Variants in EXOC3L4 observed in about 807,000 individuals in gnomAD.
EXOC3L4 encodes exocyst complex component 3 like 4, also known as exocyst complex component 3-like protein 4.
In EXOC3L4, 62 loss-of-function variants were observed where a neutral mutation model predicts 69.7. That is an observed-to-expected ratio of 0.89 (90% CI 0.72 to 1.10). The LOEUF is 1.10. Among genes scored for constraint, EXOC3L4 ranks in the 50% least tolerant of loss-of-function variants. The pLI is 0.00. For missense variants in EXOC3L4, 1,087 were observed against 1,034.8 expected, an observed-to-expected ratio of 1.05 and a Z score of -0.69; for synonymous variants, 502 against 464.2, an observed-to-expected ratio of 1.08 and a Z score of -1.05.
chr14:103,104,126 G>C, intron 4 of EXOC3L4, 74 bp downstream of exon 4: 1 of 1,447,260 alleles, frequency 6.9e-7, no homozygotes, highest in Non-Finnish European at 9.1e-7. Context: ...CGGCGCCCAG[G>C]CTATCGGCGG....
At chr14:103,100,727 G>A (rs1890142260) in intron 2 of EXOC3L4, 114 bp downstream of exon 2, 3 of 1,295,122 alleles carry the variant, frequency 2.3e-6, no homozygotes, top group South Asian at 1.6e-5. Context: ...CCCTGCCCCC[G>A]AACATGTGCA....
chr14:103,098,404 G>A (rs567309616), intron 1 of EXOC3L4, among the ~76,000 whole-genome samples: 1 of 152,014 alleles, frequency 6.6e-6, no homozygotes, highest in East Asian at 1.9e-4. Flanking sequence ...CTGAGTGCGC[G>A]GCCAGGGGCA....
chr14:103,098,871 T>A (rs1890020337), intron 1 of EXOC3L4: 3 of 151,938 alleles, frequency 2.0e-5, no homozygotes, highest in Non-Finnish European at 4.4e-5. Context: ...CTCTCCTTCC[T>A]CGGGCCTCCA....
chr14:103,095,368 C>T (rs1231668916), intron 1 of EXOC3L4, among the ~76,000 whole-genome samples: 1 of 152,194 alleles, frequency 6.6e-6, no homozygotes, highest in Non-Finnish European at 1.5e-5. Context: ...GGCAGGTGTG[C>T]CCAGGGCTGG....
chr14:103,106,706 A>T, intron 7 of EXOC3L4, 79 bp from the exon 8 acceptor site: 1 of 826,494 alleles, frequency 1.2e-6, no homozygotes, highest in Non-Finnish European at 1.9e-6. Context: ...AGTCTAAGTG[A>T]GTGGAGCTGT....
intron 6 of EXOC3L4, 36 bp from the exon 7 acceptor site, chr14:103,104,956 G>T (rs1183864163): frequency 1.3e-6 from 2 of 1,597,770 alleles, no homozygotes; most frequent in Non-Finnish European, 1.7e-6. Flanking sequence ...GCGCAGCTAG[G>T]GAGGGTCCCC....
intron 1 of EXOC3L4, among the ~76,000 whole-genome samples, chr14:103,096,187 C>G (rs1889876652): frequency 6.6e-6 from 1 of 151,968 alleles, no homozygotes; most frequent in Non-Finnish European, 1.5e-5. Flanking sequence ...ACCCCTGTCT[C>G]TACAAAAAAT....
intron 1 of EXOC3L4, among the ~76,000 whole-genome samples, chr14:103,095,255 C>T (rs1231639458): frequency 2.6e-5 from 4 of 152,194 alleles, no homozygotes; most frequent in South Asian, 2.1e-4. Context: ...CTGGTTTCCC[C>T]GGGAAAGTGC....
intron 8 of EXOC3L4, among the ~76,000 whole-genome samples, chr14:103,107,164 T>TCCTC (rs1412880262): frequency 6.6e-6 from 1 of 152,066 alleles, no homozygotes; most frequent in Non-Finnish European, 1.5e-5. Flanking sequence ...AGGCCCAGGG[T>TCCTC]CCTCACCCAG....
chr14:103,107,833 G>T (rs919709534), intron 10 of EXOC3L4, 50 bp downstream of exon 10: 2 of 1,465,708 alleles, frequency 1.4e-6, no homozygotes, highest in East Asian at 5.0e-5. Flanking sequence ...GTGGGGAGTG[G>T]TGGCAGTGAC....
Position 103,104,845 on chromosome 14 carries a change from A to G in EXOC3L4, c.1385+7A>G. The G allele has an allele frequency of 6.6e-7, 1 of 1,507,142 alleles. No individual in the cohort carries two copies. 93.4% of individuals were successfully genotyped at this position (1,507,142 alleles called of 1,614,324 possible). A position where few individuals can be genotyped will look rare whatever the true frequency, so the allele number is the denominator to read the frequency against. On this transcript the variant is annotated splice_region_variant and intron_variant, in intron 6 of 11. Coordinates refer to ENST00000688303, the MANE Select transcript of EXOC3L4 (RefSeq NM_001077594.2). ...TCGGCCTCTTCGTGCCCAGGTGCGG[A>G]CGCATCCTCAGTAGGGGAGCGACCT...
chr14:103,109,142 C>G (rs1277763960), intron 11 of EXOC3L4, among the ~76,000 whole-genome samples: 1 of 145,866 alleles, frequency 6.9e-6, no homozygotes, highest in Non-Finnish European at 1.5e-5. Context: ...AGCTGCATCA[C>G]CCCCTCCCTC....
intron 10 of EXOC3L4, among the ~76,000 whole-genome samples, chr14:103,108,176 G>A (rs940249578): frequency 7.2e-5 from 11 of 152,138 alleles, no homozygotes; most frequent in African/African-American, 2.7e-4. Context: ...GGATGGGATC[G>A]GAGGGGAGAT....
Position 103,097,529 on chromosome 14 carries a change from C to A in EXOC3L4, c.-16-2675C>A, listed in dbSNP as rs965365489. ...CTCAGCCCCGCAGGCGCCAGCATGG[C>A]AGCAGGCAGGCCAGCCGGGGGTGGC... On this transcript the variant is annotated intron_variant, in intron 1 of 11. Transcript: ENST00000688303. The surrounding 1 kb of genome is among the most constrained non-coding windows in gnomAD (Gnocchi z 4.9). Among the ~76,000 whole-genome samples the A allele has an allele frequency of 4.6e-5, 7 of 152,152 alleles. No individual in the cohort carries two copies.
In EXOC3L4 at chr14:103,102,353, G is replaced by A; in HGVS notation, c.630G>A (p.Ala210=). Residue 210 remains alanine (A), a synonymous_variant, in exon 3 of 12, where the codon GCG becomes GCA. Coordinates refer to ENST00000688303, the MANE Select transcript of EXOC3L4 (RefSeq NM_001077594.2). The part of the protein sequence containing the change: ...TLDSDGVDAA[A]LAELARVVSA... ...ACAGCGACGGTGTGGACGCGGCCGC[G>A]CTGGCCGAGCTGGCCCGCGTGGTGA... 6.4e-7 allele frequency: 1 copy of A among 1,558,884 alleles called. No homozygotes were observed. The highest frequency in any genetic ancestry group is 1.4e-5 in the African/African-American group (1 of 73,666).
At chr14:103,106,744 C>A in intron 7 of EXOC3L4, 41 bp from the exon 8 acceptor site, 1 of 1,328,678 alleles carries the variant, frequency 7.5e-7, no homozygotes, top group Non-Finnish European at 1.0e-6. Flanking sequence ...CCAGCCTGGT[C>A]TCCCTTGCCC....
chr14:103,101,667 G>A (rs1444562730), intron 2 of EXOC3L4, among the ~76,000 whole-genome samples: 2 of 152,220 alleles, frequency 1.3e-5, no homozygotes, highest in African/African-American at 4.8e-5. Flanking sequence ...TGGGAAGAGG[G>A]GGACATGGAG....
chr14:103,100,588 G>T lies in EXOC3L4; in HGVS notation c.369G>T (p.Ala123=), dbSNP rs554477485. The T allele has an allele frequency of 1.2e-6, 2 of 1,605,588 alleles. No individual in the cohort carries two copies. The highest frequency in any genetic ancestry group is 1.7e-6 in the Non-Finnish European group (2 of 1,173,796). The part of the protein sequence containing the change: ...GVSQQASTGA[A]SEELKPEAEG... ...GCCAGCAGGCATCCACTGGGGCAGC[G>T]TCTGAGGAACTGAAACCCGAGGCAG... The change falls in exon 2 of 12, where the codon GCG becomes GCT. Residue 123 remains alanine (A), a synonymous_variant. Coordinates refer to ENST00000688303, the MANE Select transcript of EXOC3L4 (RefSeq NM_001077594.2).
chr14:103,105,247 A>T (rs540311296), intron 7 of EXOC3L4, among the ~76,000 whole-genome samples, 175 bp downstream of exon 7: 1 of 147,322 alleles, frequency 6.8e-6, no homozygotes, highest in South Asian at 2.1e-4. Flanking sequence ...GTGTGTGTGT[A>T]GCAGAGTTGG....
Sources: gnomAD v4.1 joint callset for allele counts (sites outside exome capture counted in the v4.1 genomes callset) on GRCh38, gnomAD v4.1.1 for gene constraint, Gnocchi (gnomAD v3.1) non-coding constraint, MANE v1.5 for transcripts, NCBI Gene and HGNC (gene_info 2026-07-23, HGNC 2026-07-21) for gene names.